The following STPG2 variants were observed in gnomAD, a reference collection of about 807,000 sequenced individuals.
The protein encoded by STPG2 is sperm tail PG-rich repeat containing 2.
STPG2 carries 56 observed loss-of-function variants against 54.2 expected under a neutral mutation model. That is an observed-to-expected ratio of 1.03 (90% CI 0.83 to 1.29). The LOEUF is 1.29. Ranked by LOEUF, STPG2 falls within the 50% of genes most tolerant of loss-of-function variation. STPG2 has a pLI of 0.00. For missense variants in STPG2, 596 were observed against 544.9 expected (o/e 1.09, Z -0.93); for synonymous variants, 200 against 181.8 (o/e 1.10, Z -0.81).
intron 4 of STPG2, among the ~76,000 whole-genome samples, chr4:97,512,460 G>T (rs1278139615): frequency 6.6e-6 from 1 of 152,072 alleles, no homozygotes; most frequent in African/African-American, 2.4e-5. Flanking sequence ...GGAAGCACTT[G>T]GGAAAGATGT....
intron 8 of STPG2, among the ~76,000 whole-genome samples, chr4:97,910,759 A>G (rs1731647455): frequency 6.6e-6 from 1 of 152,242 alleles, no homozygotes; most frequent in Non-Finnish European, 1.5e-5. Context: ...GATGGAACAA[A>G]TGCTAGAAGT....
chr4:97,900,692 T>C (rs1731142725), intron 8 of STPG2, among the ~76,000 whole-genome samples: 1 of 152,092 alleles, frequency 6.6e-6, no homozygotes, highest in South Asian at 2.1e-4. Flanking sequence ...AAATACCACA[T>C]GTTCTCACTT....
chr4:97,467,392 GA>G (rs922493533), intron 4 of STPG2, among the ~76,000 whole-genome samples: 17 of 150,056 alleles, frequency 1.1e-4, no homozygotes, highest in African/African-American at 2.7e-4. Context: ...TATTCATATA[GA>G]AAAAAAAATC....
At chr4:97,816,650 A>C (rs1196961338) in intron 9 of STPG2, among the ~76,000 whole-genome samples, 1 of 152,128 alleles carries the variant, frequency 6.6e-6, no homozygotes, top group Non-Finnish European at 1.5e-5. Context: ...GCATCCTTTC[A>C]GGGCCTAAAT....
chr4:97,510,044 AG>A (rs2148839776), intron 4 of STPG2, among the ~76,000 whole-genome samples: 1 of 152,090 alleles, frequency 6.6e-6, no homozygotes, highest in East Asian at 2.0e-4. Context: ...TAGGCTATAG[AG>A]TTTCTAGAGC....
At chr4:97,498,883 G>A in intron 4 of STPG2, among the ~76,000 whole-genome samples, 1 of 151,728 alleles carries the variant, frequency 6.6e-6, no homozygotes, top group Non-Finnish European at 1.5e-5. Context: ...TATGAAAGGA[G>A]TACAACAGAA....
rs57186071 is a variant in STPG2, at chr4:97,729,063, T to TTCTCTCTC, written c.1205-16257_1205-16250dup. Among the ~76,000 whole-genome samples the TTCTCTCTC allele has an allele frequency of 7.1e-3, 893 of 124,906 alleles. 23 individuals are homozygous for TTCTCTCTC. Among genetic ancestry groups the TTCTCTCTC allele is most frequent in the Admixed American group, 8.4e-3 (93 of 11,024 alleles). 81.9% of individuals were successfully genotyped at this position (124,906 alleles called of 152,430 possible). ...CCACTGATGACAAGGCCCCAAGAAT[T>TTCTCTCTC]TCTCTCTCTCTCTCTCTCTCTCTCT... On this transcript the variant is annotated intron_variant, in intron 9 of 10. Coordinates refer to ENST00000295268, the MANE Select transcript of STPG2 (RefSeq NM_174952.3).
At chr4:97,657,203 G>A (rs1197438069) in intron 10 of STPG2, among the ~76,000 whole-genome samples, 3 of 151,862 alleles carry the variant, frequency 2.0e-5, no homozygotes, top group Non-Finnish European at 4.4e-5. Flanking sequence ...CTCCCTTTTT[G>A]TTACATAATA....
chr4:97,502,468 C>T (rs1246612817), intron 4 of STPG2, among the ~76,000 whole-genome samples: 6 of 151,876 alleles, frequency 4.0e-5, no homozygotes, highest in Admixed American at 1.3e-4. Context: ...ATGTTGACTT[C>T]CGACTATAAA....
chr4:97,951,461 A>T (rs1225353099), intron 7 of STPG2, among the ~76,000 whole-genome samples: 1 of 151,906 alleles, frequency 6.6e-6, no homozygotes, highest in Non-Finnish European at 1.5e-5. Flanking sequence ...TCTTCTAATT[A>T]TTCTTGAAAT....
intron 8 of STPG2, among the ~76,000 whole-genome samples, chr4:97,886,726 T>A (rs1393344844): frequency 1.3e-5 from 2 of 152,232 alleles, no homozygotes; most frequent in Non-Finnish European, 2.9e-5. Context: ...CTAATTTGGT[T>A]ATTGATATGG....
chr4:97,769,081 G>T (rs1726143539), intron 9 of STPG2, among the ~76,000 whole-genome samples: 1 of 152,060 alleles, frequency 6.6e-6, no homozygotes, highest in South Asian at 2.1e-4. Flanking sequence ...AGGGAATGAG[G>T]TGTGTCCAAC....
At chr4:97,628,444 A>T (rs1157396162) in intron 10 of STPG2, among the ~76,000 whole-genome samples, 4 of 152,156 alleles carry the variant, frequency 2.6e-5, no homozygotes, top group Non-Finnish European at 5.9e-5. Context: ...AAATATTACC[A>T]AAACTAAACT....
At chr4:97,774,932 G>T (rs1317992513) in intron 9 of STPG2, among the ~76,000 whole-genome samples, 2 of 152,198 alleles carry the variant, frequency 1.3e-5, no homozygotes, top group Non-Finnish European at 1.5e-5. Context: ...CCACTTTGAG[G>T]AGTCTTCCCA....
intron 4 of STPG2, among the ~76,000 whole-genome samples, chr4:97,531,284 G>A (rs1011912758): frequency 6.6e-6 from 1 of 152,146 alleles, no homozygotes; most frequent in Non-Finnish European, 1.5e-5. Flanking sequence ...AACCACTATG[G>A]AGAACAGTTT....
intron 10 of STPG2, among the ~76,000 whole-genome samples, chr4:97,570,801 A>C (rs1732580167): frequency 6.6e-6 from 1 of 152,088 alleles, no homozygotes; most frequent in South Asian, 2.1e-4. Flanking sequence ...TTTTTTATTG[A>C]AGATGCTATG....
rs534809655 is a variant in STPG2 at position 97,847,234 on chromosome 4, C to T, written c.1045-6302G>A. Among the ~76,000 whole-genome samples the T allele has an allele frequency of 1.8e-4, 28 of 152,194 alleles. No individual in the cohort carries two copies. In the South Asian group the frequency reaches 5.8e-3, roughly 32 times the overall value. ...GAAGAAAGGCATTTCAGATGATAATCAAATTATCTTTGTTTTACATGTTGC... is the reference window on the plus strand; with the variant it reads ...GAAGAAAGGCATTTCAGATGATAATTAAATTATCTTTGTTTTACATGTTGC... On this transcript the variant is annotated intron_variant, in intron 8 of 10. Transcript: ENST00000295268.
At position 97,938,811 on chromosome 4, in the gene STPG2, C is replaced by T. The variant is rs113989300; in HGVS notation, c.1044+5086G>A. Reference sequence around the variant, plus strand: ...CACCTGGTCAGTCCTGATGAGAGAACCTGGATACCTTGGTTGCCAGTATAG... The same window carrying T: ...CACCTGGTCAGTCCTGATGAGAGAATCTGGATACCTTGGTTGCCAGTATAG... On this transcript the variant is annotated intron_variant, in intron 8 of 10. Coordinates refer to ENST00000295268, the MANE Select transcript of STPG2 (RefSeq NM_174952.3). Among the ~76,000 whole-genome samples the T allele has an allele frequency of 5.6e-3, 854 of 151,952 alleles. 5 individuals are homozygous for T. Among genetic ancestry groups the T allele is most frequent in the Middle Eastern group, 0.02 (6 of 294 alleles).
chr4:97,777,128 T>C (rs1578554058), intron 9 of STPG2, among the ~76,000 whole-genome samples: 1 of 152,304 alleles, frequency 6.6e-6, no homozygotes, highest in Non-Finnish European at 1.5e-5. Context: ...TACAGGATGG[T>C]TAAAATGCAC....
Sources: gnomAD v4.1 joint callset for allele counts (sites outside exome capture counted in the v4.1 genomes callset) on GRCh38, gnomAD v4.1.1 for gene constraint, MANE v1.5 for transcripts, NCBI Gene and HGNC (gene_info 2026-07-23, HGNC 2026-07-21) for gene names.